STK3: variants seen among roughly 807,000 people sequenced by gnomAD.
The protein encoded by STK3 is serine/threonine kinase 3, also known as serine/threonine-protein kinase 3.
STK3 carries 41 observed loss-of-function variants against 58.0 expected under a neutral mutation model. The ratio of observed to expected loss-of-function variants is 0.71; its 90% CI spans 0.55 to 0.92. The LOEUF (loss-of-function observed/expected upper bound fraction) is 0.92. Among genes scored for constraint, STK3 ranks in the 40% least tolerant of loss-of-function variants. The pLI, the probability that STK3 is intolerant of heterozygous loss-of-function variation, is 0.00. For synonymous variants in STK3, 170 were observed against 191.0 expected, an observed-to-expected ratio of 0.89 and a Z score of 0.91; for missense variants, 479 against 602.7, an observed-to-expected ratio of 0.79 and a Z score of 2.15.
In STK3 at chr8:98,515,433, C is replaced by A. The variant is rs536554806; in HGVS notation, c.1317+11309G>T. ...CATTCTGTGTTGCTGGCTAAGCCAACTCAGTCTGCACCCCGCACCTCGGCC... is the reference window on the plus strand; with the variant it reads ...CATTCTGTGTTGCTGGCTAAGCCAAATCAGTCTGCACCCCGCACCTCGGCC... On this transcript the variant is annotated intron_variant, in intron 10 of 10. Transcript: ENST00000419617. Among the ~76,000 whole-genome samples, 4 of 152,238 alleles carry A rather than the reference C, an allele frequency of 2.6e-5. No homozygotes were observed. In the East Asian group the frequency reaches 7.7e-4, roughly 29 times the overall value.
At chr8:98,835,690 A>G (rs1835720818) in intron 3 of STK3, among the ~76,000 whole-genome samples, 8 of 152,220 alleles carry the variant, frequency 5.3e-5, no homozygotes. Context: ...TCCAGAAGGA[A>G]GATTTCCAGC....
intron 1 of STK3, among the ~76,000 whole-genome samples, chr8:98,909,642 C>T (rs527862027): frequency 6.6e-6 from 1 of 152,302 alleles, no homozygotes; most frequent in South Asian, 2.1e-4. Context: ...TTTCACTTGG[C>T]ATGATATGTT....
At chr8:98,524,445 A>G (rs954115831) in intron 10 of STK3, among the ~76,000 whole-genome samples, 4 of 152,244 alleles carry the variant, frequency 2.6e-5, no homozygotes, top group African/African-American at 9.6e-5. Flanking sequence ...GCTTTAGGCA[A>G]TATTAACATC....
intron 3 of STK3, among the ~76,000 whole-genome samples, chr8:98,839,373 A>G (rs1420609955): frequency 6.6e-6 from 1 of 152,160 alleles, no homozygotes; most frequent in Non-Finnish European, 1.5e-5. Context: ...CTCAACATAG[A>G]TGGAGAGATA....
At chr8:98,508,740 A>G (rs1250219935) in intron 10 of STK3, among the ~76,000 whole-genome samples, 1 of 152,138 alleles carries the variant, frequency 6.6e-6, no homozygotes, top group African/African-American at 2.4e-5. Flanking sequence ...AAATTATGGG[A>G]AAACAAATTT....
chr8:98,774,530 T>C (rs1831533444), intron 2 of STK3, among the ~76,000 whole-genome samples: 1 of 152,186 alleles, frequency 6.6e-6, no homozygotes, highest in Non-Finnish European at 1.5e-5. Flanking sequence ...TTCCCTTATA[T>C]ATATATATGG....
intron 10 of STK3, among the ~76,000 whole-genome samples, chr8:98,475,880 C>G (rs886303877): frequency 2.0e-5 from 3 of 152,210 alleles, no homozygotes; most frequent in African/African-American, 7.2e-5. Context: ...ACCTTCTCAG[C>G]TCACCCACAA....
the STK3 span, among the ~76,000 whole-genome samples, chr8:98,352,909 C>G: frequency 1.3e-5 from 2 of 152,210 alleles, no homozygotes; most frequent in East Asian, 3.9e-4. Context: ...GCTTAGTTAC[C>G]CTGAACACAT....
intron 10 of STK3, among the ~76,000 whole-genome samples, chr8:98,525,172 G>A (rs551877382): frequency 6.6e-6 from 1 of 152,258 alleles, no homozygotes; most frequent in Admixed American, 6.5e-5. Context: ...CTCAGAAACA[G>A]CAAAGTCAAA....
At chr8:98,705,642 T>C (rs1393463308) in intron 6 of STK3, among the ~76,000 whole-genome samples, 4 of 152,160 alleles carry the variant, frequency 2.6e-5, no homozygotes, top group Non-Finnish European at 5.9e-5. Flanking sequence ...CCAGCCACCA[T>C]GATATTATCT....
At chr8:98,803,669 G>A (rs1833734395) in intron 1 of STK3, among the ~76,000 whole-genome samples, 2 of 150,962 alleles carry the variant, frequency 1.3e-5, no homozygotes, top group Admixed American at 6.6e-5. Context: ...ATCCCTGTGA[G>A]TGAATTCTGC....
chr8:98,480,859 T>C (rs149823939), intron 10 of STK3, among the ~76,000 whole-genome samples: 8 of 152,292 alleles, frequency 5.3e-5, no homozygotes, highest in Middle Eastern at 3.4e-3. Flanking sequence ...GGAAAACACA[T>C]AGACATATAC....
At chr8:98,545,291 T>C (rs985310891) in intron 9 of STK3, among the ~76,000 whole-genome samples, 1 of 152,118 alleles carries the variant, frequency 6.6e-6, no homozygotes, top group African/African-American at 2.4e-5. Flanking sequence ...AGTGCCAGAC[T>C]GTGAAGGATC....
chr8:98,911,865 G>A (rs1158760208), intron 1 of STK3, among the ~76,000 whole-genome samples: 2 of 152,076 alleles, frequency 1.3e-5, no homozygotes, highest in Non-Finnish European at 2.9e-5. Context: ...ATTCCTAAAT[G>A]ATTCAAATTT....
intron 4 of STK3, 103 bp from the exon 5 acceptor site, chr8:98,707,414 GT>G (rs947074921): frequency 2.8e-4 from 226 of 816,038 alleles, no homozygotes; most frequent in South Asian, 3.2e-4. Flanking sequence ...GTGTGTGTGT[GT>G]TTTTTTTTAA....
Position 98,579,744 on chromosome 8 carries a change from G to C in STK3, c.868C>G (p.Leu290Val). 6.2e-7 allele frequency: 1 copy of C among 1,607,088 alleles called. No homozygotes were observed. Among genetic ancestry groups the C allele is most frequent in the Non-Finnish European group, 8.5e-7 (1 of 1,177,904 alleles). ...NAKPVSILRD[L>V]ITEAMEIKAK... is the part of the protein sequence containing the mutation. Reference sequence around the variant, plus strand: ...TTGATCTCCATAGCTTCTGTGATCAGGTCTCTTAATATTGATACAGGTTTG... The same window carrying C: ...TTGATCTCCATAGCTTCTGTGATCACGTCTCTTAATATTGATACAGGTTTG... Residue 290 changes from leucine to valine, a missense_variant, in exon 8 of 11, where the codon CTG becomes GTG. This residue lies in a region of STK3 where 309 missense variants were observed against 355.7 expected (regional missense o/e 0.87). Transcript: ENST00000419617.
chr8:98,870,752 A>G (rs1467126319), intron 3 of STK3, among the ~76,000 whole-genome samples: 3 of 152,218 alleles, frequency 2.0e-5, no homozygotes, highest in African/African-American at 4.8e-5. Context: ...GCCCTTTGTC[A>G]GATGGGTAGA....
chr8:98,681,439 A>C (rs999379956), intron 6 of STK3, among the ~76,000 whole-genome samples: 1 of 151,784 alleles, frequency 6.6e-6, no homozygotes, highest in African/African-American at 2.4e-5. Flanking sequence ...AAAACTGTAA[A>C]AAAAAATAAA....
chr8:98,428,028 G>C lies in STK3; in HGVS notation n.483+6099C>G, dbSNP rs144362730. On this transcript the variant is annotated intron_variant and non_coding_transcript_variant, in intron 3 of 3. Transcript: ENST00000517832. This position sits in a 1 kb window ranked among gnomAD's most constrained non-coding sequence, Gnocchi z 6.7. Reference sequence around the variant, plus strand: ...CGTGTCGGAGGCTAACGTCGAGGACGGGGAGATCCGCATCAATGTGGGCGG... The same window carrying C: ...CGTGTCGGAGGCTAACGTCGAGGACCGGGAGATCCGCATCAATGTGGGCGG... The C allele has an allele frequency of 8.5e-5, 137 of 1,605,084 alleles. 1 individual carries two copies. Among genetic ancestry groups the C allele is most frequent in the South Asian group, 2.0e-4 (18 of 90,068 alleles).
Sources: gnomAD v4.1 joint callset for allele counts (sites outside exome capture counted in the v4.1 genomes callset) on GRCh38, gnomAD v4.1.1 for gene constraint, gnomAD v4.1.1 regional missense constraint, Gnocchi (gnomAD v3.1) non-coding constraint, MANE v1.5 for transcripts, NCBI Gene and HGNC (gene_info 2026-07-23, HGNC 2026-07-21) for gene names.